ANO4: variants seen among roughly 807,000 people sequenced by gnomAD.
The protein encoded by ANO4 is anoctamin 4, also known as anoctamin-4.
In ANO4, 69 loss-of-function variants were observed where a neutral mutation model predicts 141.9. The ratio of observed to expected loss-of-function variants is 0.49; its 90% confidence interval spans 0.40 to 0.59. The LOEUF is 0.59. ANO4 is among the 20% of genes least tolerant of loss of function. The pLI is 0.00. For synonymous variants in ANO4, 350 were observed against 394.3 expected (o/e 0.89, Z 1.33); for missense variants, 894 against 1,162.2 (o/e 0.77, Z 3.36).
At chr12:101,080,259 G>C (rs1428341319) in intron 15 of ANO4, among the ~76,000 whole-genome samples, 1 of 152,122 alleles carries the variant, frequency 6.6e-6, no homozygotes, top group East Asian at 1.9e-4. Flanking sequence ...GTAATTCTGA[G>C]AGGTATTTTT....
intron 17 of ANO4, among the ~76,000 whole-genome samples, chr12:101,088,177 C>G (rs901028068): frequency 6.6e-6 from 1 of 152,142 alleles, no homozygotes; most frequent in Non-Finnish European, 1.5e-5. Flanking sequence ...TTCACCTGCT[C>G]CAGCCGCACT....
chr12:100,864,265 C>T (rs2038636292), intron 1 of ANO4, among the ~76,000 whole-genome samples: 1 of 152,088 alleles, frequency 6.6e-6, no homozygotes, highest in Non-Finnish European at 1.5e-5. Context: ...GGGTCACTTG[C>T]CCCCATTTGG....
intron 9 of ANO4, among the ~76,000 whole-genome samples, chr12:101,020,494 A>G (rs975153712): frequency 2.0e-5 from 3 of 152,250 alleles, no homozygotes; most frequent in African/African-American, 7.2e-5. Flanking sequence ...ATACAATAAC[A>G]TGAAGAAATT....
intron 14 of ANO4, chr12:101,068,711 A>T: frequency 7.7e-7 from 1 of 1,291,202 alleles, no homozygotes. Flanking sequence ...GTGAAAGCTG[A>T]CAAAATGACC....
chr12:101,018,791 T>C (rs17030911), intron 8 of ANO4, among the ~76,000 whole-genome samples: 8,752 of 152,142 alleles, frequency 0.058, 421 homozygotes, highest in African/African-American at 0.13. Flanking sequence ...CAGAAGGAGG[T>C]TGACCTTGCC....
intron 1 of ANO4, among the ~76,000 whole-genome samples, chr12:100,806,567 CAG>C (rs1330964717): frequency 9.1e-5 from 3 of 33,000 alleles, no homozygotes; most frequent in Admixed American, 5.5e-4. Flanking sequence ...TTTTGTGAGA[CAG>C]AGTCTCGCTC....
At chr12:101,032,661 A>G (rs1281938372) in intron 9 of ANO4, among the ~76,000 whole-genome samples, 1 of 151,956 alleles carries the variant, frequency 6.6e-6, no homozygotes, top group Non-Finnish European at 1.5e-5. Flanking sequence ...GGTGAAGGAC[A>G]TGAACAGACA....
intron 3 of ANO4, among the ~76,000 whole-genome samples, chr12:100,932,519 A>G (rs2042123533): frequency 2.0e-5 from 3 of 152,180 alleles, no homozygotes; most frequent in Non-Finnish European, 4.4e-5. Context: ...TAGTTCGTCC[A>G]TTTATTTGAG....
In ANO4 at chr12:100,811,034, A is replaced by G. The variant is rs544510983; in HGVS notation, c.-141+16007A>G. ...TAAAATTTATAGAAGCCACATCTAA[A>G]TTTAGCTTTAAGCAATTTCGGAGCC... On this transcript the variant is annotated intron_variant, in intron 1 of 27. Transcript: ENST00000392977. Among the ~76,000 whole-genome samples the G allele has an allele frequency of 9.2e-5, 14 of 152,270 alleles. No homozygotes were observed. In the South Asian group the frequency reaches 1.7e-3, roughly 18 times the overall value.
intron 3 of ANO4, among the ~76,000 whole-genome samples, chr12:100,751,143 A>G (rs1364198106): frequency 6.6e-6 from 1 of 152,180 alleles, no homozygotes; most frequent in African/African-American, 2.4e-5. Context: ...ACCCTGGGGA[A>G]TTCTCTTTGC....
chr12:100,756,377 T>G (rs900685644), intron 3 of ANO4, among the ~76,000 whole-genome samples: 6 of 152,118 alleles, frequency 3.9e-5, no homozygotes, highest in African/African-American at 1.2e-4. Context: ...TGAGGTGTAG[T>G]CTTGCTCTGT....
At chr12:101,059,685 T>A (rs1296002284) in intron 14 of ANO4, among the ~76,000 whole-genome samples, 4 of 152,236 alleles carry the variant, frequency 2.6e-5, no homozygotes, top group Non-Finnish European at 5.9e-5. Flanking sequence ...TTTATAGTAT[T>A]CTCTGATGGT....
chr12:100,802,710 G>A (rs1359595500), intron 1 of ANO4, among the ~76,000 whole-genome samples: 1 of 152,102 alleles, frequency 6.6e-6, no homozygotes, highest in Non-Finnish European at 1.5e-5. Context: ...TAACATTCTG[G>A]TCAGAGTGGG....
At chr12:100,751,931 T>C (rs1363273254) in intron 3 of ANO4, among the ~76,000 whole-genome samples, 5 of 152,120 alleles carry the variant, frequency 3.3e-5, no homozygotes, top group African/African-American at 7.2e-5. Flanking sequence ...GGTGAAGATA[T>C]AGTTGGAATG....
At chr12:100,964,949 G>A (rs1304597213) in intron 5 of ANO4, among the ~76,000 whole-genome samples, 2 of 152,184 alleles carry the variant, frequency 1.3e-5, no homozygotes, top group East Asian at 1.9e-4. Flanking sequence ...CTTGAGTTCC[G>A]CAAGAGCAGG....
At chr12:101,084,648 T>C (rs1470761759) in intron 16 of ANO4, among the ~76,000 whole-genome samples, 2 of 152,214 alleles carry the variant, frequency 1.3e-5, no homozygotes, top group Non-Finnish European at 2.9e-5. Context: ...CTGGGCAGCT[T>C]ACCCAGACTC....
At chr12:100,877,116 A>G (rs11110571) in intron 1 of ANO4, among the ~76,000 whole-genome samples, 27,672 of 152,030 alleles carry the variant, frequency 0.18, 2,969 homozygotes, top group Middle Eastern at 0.29. Context: ...CCAGGGGCTG[A>G]GGGTAGGGGA....
chr12:100,929,742 G>C (rs2042014629), intron 3 of ANO4, among the ~76,000 whole-genome samples: 1 of 152,004 alleles, frequency 6.6e-6, no homozygotes, highest in Non-Finnish European at 1.5e-5. Flanking sequence ...AGTGTATGAG[G>C]GTTCCCTCTT....
chr12:100,782,795 T>C (rs1341673468), intron 3 of ANO4, among the ~76,000 whole-genome samples: 1 of 152,206 alleles, frequency 6.6e-6, no homozygotes, highest in Non-Finnish European at 1.5e-5. Context: ...ACTAAGGGTA[T>C]TATCCAAAGT....
Sources: gnomAD v4.1 joint callset for allele counts (sites outside exome capture counted in the v4.1 genomes callset) on GRCh38, gnomAD v4.1.1 for gene constraint, MANE v1.5 for transcripts, NCBI Gene and HGNC (gene_info 2026-07-23, HGNC 2026-07-21) for gene names.